The following FAM107B variants were observed in gnomAD, a reference collection of about 807,000 sequenced individuals.
FAM107B encodes the protein protein FAM107B.
In FAM107B, 21 loss-of-function variants were observed where a neutral mutation model predicts 31.5. The ratio of observed to expected loss-of-function variants is 0.67; its 90% confidence interval spans 0.47 to 0.96. The LOEUF (loss-of-function observed/expected upper bound fraction) is 0.96, where lower values mean the gene tolerates loss of function less well. Among genes scored for constraint, FAM107B ranks in the 40% least tolerant of loss-of-function variants. The pLI is 0.00. For synonymous variants in FAM107B, 157 were observed against 141.5 expected (o/e 1.11, Z -0.78); for missense variants, 452 against 377.1 (o/e 1.20, Z -1.64).
chr10:14,572,735 A>ATTTTT lies in FAM107B; in HGVS notation c.470-42221_470-42220insAAAAA, dbSNP rs1395207316. On this transcript the variant is annotated intron_variant, in intron 2 of 4. Coordinates refer to ENST00000181796, the MANE Select transcript of FAM107B (RefSeq NM_031453.4). The stretch of plus-strand genomic sequence containing the variant: ...ACCCCATCTCTTCAAAAAAAAAAAA[A>ATTTTT]AATTTATATATATATATATATATAT... Among the ~76,000 whole-genome samples, 545 of 114,280 alleles carry ATTTTT rather than the reference A, an allele frequency of 4.8e-3. 17 individuals carry two copies. The highest frequency in any genetic ancestry group is 0.016 in the African/African-American group (503 of 31,730). 75.0% of individuals were successfully genotyped at this position (114,280 alleles called of 152,430 possible). A position where few individuals can be genotyped will look rare whatever the true frequency, so the allele number is the denominator to read the frequency against.
In FAM107B at chr10:14,718,075, C is replaced by T. The variant is rs906259895; in HGVS notation, c.412-50384G>A. On this transcript the variant is annotated intron_variant, in intron 1 of 4. Coordinates refer to ENST00000181796, the MANE Select transcript of FAM107B (RefSeq NM_031453.4). Reference sequence around the variant, plus strand: ...GGCATGGTGGCTCACGCCTGTAATCCTAACACTTTGGGAGGCCAAGGCGGG... The same window carrying T: ...GGCATGGTGGCTCACGCCTGTAATCTTAACACTTTGGGAGGCCAAGGCGGG... Among the ~76,000 whole-genome samples the T allele has an allele frequency of 4.2e-4, 64 of 152,118 alleles. 4 individuals are homozygous for T. Among genetic ancestry groups the T allele is most frequent in the South Asian group, 2.1e-4 (1 of 4,824 alleles).
intron 1 of FAM107B, among the ~76,000 whole-genome samples, chr10:14,744,026 C>A (rs1487293820): frequency 6.6e-6 from 1 of 152,106 alleles, no homozygotes; most frequent in Non-Finnish European, 1.5e-5. Flanking sequence ...TCTCTGATTT[C>A]TTTGGGCAGT....
rs188472759 is a variant in FAM107B, at chr10:14,575,706, T to A, written c.470-45191A>T. ...CTGACAACCAGAAAAACATTTTACA[T>A]CACAATGCAGACAGACACATGTGTG... On this transcript the variant is annotated intron_variant, in intron 2 of 4. Coordinates refer to ENST00000181796, the MANE Select transcript of FAM107B (RefSeq NM_031453.4). Among the ~76,000 whole-genome samples, 165 of 152,256 alleles carry A rather than the reference T, an allele frequency of 1.1e-3. 1 individual carries two copies. Among genetic ancestry groups the A allele is most frequent in the Admixed American group, 8.6e-3 (131 of 15,298 alleles).
chr10:14,701,861 G>A (rs1855406603), intron 1 of FAM107B, among the ~76,000 whole-genome samples: 1 of 152,124 alleles, frequency 6.6e-6, no homozygotes, highest in African/African-American at 2.4e-5. Context: ...CCTGGAGCAG[G>A]GCTGGAGAGA....
chr10:14,602,316 T>C (rs531812838), intron 2 of FAM107B: 2 of 152,346 alleles, frequency 1.3e-5, no homozygotes, highest in South Asian at 2.1e-4. Context: ...CAAAATGTAT[T>C]GCATCATCCT....
intron 1 of FAM107B, among the ~76,000 whole-genome samples, chr10:14,711,199 C>T (rs1855637958): frequency 6.6e-6 from 1 of 152,190 alleles, no homozygotes; most frequent in Non-Finnish European, 1.5e-5. Flanking sequence ...GCGTGAGCCA[C>T]TGTGCCCGGC....
intron 3 of FAM107B, among the ~76,000 whole-genome samples, chr10:14,525,939 A>G (rs1390665888): frequency 2.0e-5 from 3 of 152,146 alleles, no homozygotes; most frequent in Admixed American, 6.5e-5. Context: ...CACATAAACC[A>G]CTAAATACAT....
At chr10:14,695,602 A>C (rs1243404636) in intron 1 of FAM107B, among the ~76,000 whole-genome samples, 1 of 152,156 alleles carries the variant, frequency 6.6e-6, no homozygotes, top group Non-Finnish European at 1.5e-5. Flanking sequence ...TAACACCATT[A>C]ATTCTTCCAA....
At chr10:14,762,203 T>C (rs896779193) in intron 1 of FAM107B, among the ~76,000 whole-genome samples, 30 of 152,140 alleles carry the variant, frequency 2.0e-4, no homozygotes, top group Admixed American at 1.9e-3. Context: ...ACAGCACCAT[T>C]GGGCATCCCC....
intron 1 of FAM107B, among the ~76,000 whole-genome samples, chr10:14,690,178 G>A (rs1449942620): frequency 3.9e-5 from 6 of 152,092 alleles, no homozygotes; most frequent in African/African-American, 1.4e-4. Context: ...GCTTCTCACC[G>A]GATTCAGTCG....
intron 1 of FAM107B, among the ~76,000 whole-genome samples, chr10:14,755,343 A>G (rs1347353528): frequency 6.6e-6 from 1 of 152,072 alleles, no homozygotes; most frequent in African/African-American, 2.4e-5. Flanking sequence ...GGAGTTCAAG[A>G]CCAACCTGGC....
At chr10:14,597,733 T>C (rs1852234002) in intron 2 of FAM107B, among the ~76,000 whole-genome samples, 1 of 152,120 alleles carries the variant, frequency 6.6e-6, no homozygotes, top group Non-Finnish European at 1.5e-5. Flanking sequence ...GCGGATCATT[T>C]GAGGTCAGGA....
intron 2 of FAM107B, 38 bp downstream of exon 2, chr10:14,667,596 A>G (rs761255166): frequency 3.1e-6 from 5 of 1,610,560 alleles, no homozygotes; most frequent in Non-Finnish European, 4.2e-6. Context: ...TGTCAGCAAC[A>G]GCAGCCTGGA....
intron 1 of FAM107B, among the ~76,000 whole-genome samples, chr10:14,748,283 A>G (rs1269808211): frequency 3.3e-5 from 5 of 152,244 alleles, no homozygotes; most frequent in Admixed American, 1.3e-4. Context: ...CAAGTTGGGA[A>G]GCAGCACATG....
intron 2 of FAM107B, among the ~76,000 whole-genome samples, chr10:14,536,265 G>A (rs530448831): frequency 7.2e-5 from 11 of 152,280 alleles, no homozygotes; most frequent in East Asian, 3.9e-4. Flanking sequence ...CTCTTGGCAC[G>A]TGGCAACGTG....
At chr10:14,700,920 C>T (rs1045545220) in intron 1 of FAM107B, among the ~76,000 whole-genome samples, 1 of 151,294 alleles carries the variant, frequency 6.6e-6, no homozygotes, top group African/African-American at 2.4e-5. Flanking sequence ...ACACATCACA[C>T]CTCACCCCAC....
chr10:14,523,216 C>G (rs748779756), intron 3 of FAM107B, among the ~76,000 whole-genome samples: 1 of 152,242 alleles, frequency 6.6e-6, no homozygotes, highest in Non-Finnish European at 1.5e-5. Flanking sequence ...GATTATCCAG[C>G]TCACCTTTCT....
intron 2 of FAM107B, among the ~76,000 whole-genome samples, chr10:14,628,614 A>T (rs1853238679): frequency 6.6e-6 from 1 of 152,260 alleles, no homozygotes; most frequent in African/African-American, 2.4e-5. Flanking sequence ...TTTTAACCCC[A>T]GGCAAGGTTA....
chr10:14,577,013 T>C (rs973852177), intron 2 of FAM107B, among the ~76,000 whole-genome samples: 2 of 152,238 alleles, frequency 1.3e-5, no homozygotes, highest in Non-Finnish European at 2.9e-5. Flanking sequence ...AATAATTGTT[T>C]CTTCATATTG....
Sources: allele counts gnomAD v4.1 joint callset (sites outside exome capture counted in the v4.1 genomes callset), GRCh38; gene constraint gnomAD v4.1.1; transcripts MANE v1.5; gene names NCBI Gene and HGNC (gene_info 2026-07-23, HGNC 2026-07-21).